The following PLEKHA7 variants were observed in gnomAD, a reference collection of about 807,000 sequenced individuals.
PLEKHA7 encodes pleckstrin homology domain-containing family A member 7.
PLEKHA7 carries 104 observed loss-of-function variants against 170.0 expected under a neutral mutation model. The ratio of observed to expected loss-of-function variants is 0.61; its 90% confidence interval spans 0.52 to 0.72. The LOEUF is 0.72. PLEKHA7 is among the 30% of genes least tolerant of loss of function. The pLI, the probability that PLEKHA7 is intolerant of heterozygous loss-of-function variation, is 0.00. For missense variants in PLEKHA7, 1,615 were observed against 1,671.7 expected (o/e 0.97, Z 0.59); for synonymous variants, 648 against 660.8 (o/e 0.98, Z 0.30).
chr11:16,816,806 A>G lies in PLEKHA7; in HGVS notation c.1860T>C (p.Ala620=). 1 of 1,613,604 alleles carries G rather than the reference A, an allele frequency of 6.2e-7. No homozygotes were observed. ...GDSPRRARGH[A]VKNSSHVDRR... is the part of the protein sequence containing the mutation. ...AGAGCTTCCCGAGCCTCACCTTGAC[A>G]GCGTGGCCCCGTGCCCTCCTTGGAG... Residue 620 remains alanine, a synonymous_variant, in exon 11 of 27, where the codon GCT becomes GCC. Coordinates refer to ENST00000531066, the MANE Select transcript of PLEKHA7 (RefSeq NM_001329630.2).
At chr11:16,846,503 T>C (rs542426564) in intron 8 of PLEKHA7, among the ~76,000 whole-genome samples, 1 of 152,282 alleles carries the variant, frequency 6.6e-6, no homozygotes, top group South Asian at 2.1e-4. Context: ...CATGCTTGTT[T>C]CCTCATATTT....
rs117085879 is a variant in PLEKHA7 at position 16,847,025 on chromosome 11, G to A, written c.696+4166C>T. Among the ~76,000 whole-genome samples, 127 of 149,256 alleles carry A rather than the reference G, an allele frequency of 8.5e-4. 2 individuals carry two copies. The East Asian group carries it at 0.024, about 29-fold the overall frequency. On this transcript the variant is annotated intron_variant, in intron 8 of 26. Transcript: ENST00000531066. Reference sequence around the variant, plus strand: ...CCCAGACAAGGTGACTCTGAGCAGAGAACTGAAGGACAAGTAAGAGTTGGG... The same window carrying A: ...CCCAGACAAGGTGACTCTGAGCAGAAAACTGAAGGACAAGTAAGAGTTGGG...
intron 3 of PLEKHA7, among the ~76,000 whole-genome samples, chr11:16,997,184 TA>T (rs755446751): frequency 2.0e-4 from 30 of 152,130 alleles, no homozygotes; most frequent in Non-Finnish European, 3.5e-4. Flanking sequence ...CCTCTAACAA[TA>T]CCCCTGAGGT....
intron 5 of PLEKHA7, 164 bp downstream of exon 5, chr11:16,855,639 C>T: frequency 1.6e-6 from 1 of 621,526 alleles, no homozygotes; most frequent in South Asian, 1.9e-5. Context: ...GGACAAGGGA[C>T]ATATCCCTCT....
chr11:16,847,876 C>T (rs894785610), intron 8 of PLEKHA7, among the ~76,000 whole-genome samples: 1 of 149,950 alleles, frequency 6.7e-6, no homozygotes, highest in East Asian at 1.9e-4. Flanking sequence ...TGGCTTTATC[C>T]TGAAAGCAAT....
intron 26 of PLEKHA7, among the ~76,000 whole-genome samples, chr11:16,781,640 C>G (rs1008781735): frequency 4.6e-5 from 7 of 152,210 alleles, no homozygotes; most frequent in Non-Finnish European, 1.0e-4. Flanking sequence ...ATTTCAAGGA[C>G]TCTGTGCAGG....
chr11:16,872,997 A>G (rs1854987995), intron 3 of PLEKHA7, among the ~76,000 whole-genome samples: 1 of 152,136 alleles, frequency 6.6e-6, no homozygotes, highest in Non-Finnish European at 1.5e-5. Context: ...TATAATCTAT[A>G]TCTCTTTCAA....
chr11:17,014,380 G>C lies in PLEKHA7; in HGVS notation c.22C>G (p.Arg8Gly). Residue 8 changes from arginine (R) to glycine (G), a missense_variant, in exon 1 of 27, where the codon CGG becomes GGG. Transcript: ENST00000531066. MAAATVG[R>G]DTLPEHWSYG... ...GACCAATGCTCAGGTAAAGTGTCCCGCCCGACCGTCGCCGCCGCCATGTTC... is the reference window on the plus strand; with the variant it reads ...GACCAATGCTCAGGTAAAGTGTCCCCCCCGACCGTCGCCGCCGCCATGTTC... 7.3e-7 allele frequency: 1 copy of C among 1,368,808 alleles called. No individual in the cohort carries two copies. The allele number at this position is 1,368,808 out of a possible 1,614,324, so 84.8% of individuals were successfully genotyped here. A position where few individuals can be genotyped will look rare whatever the true frequency, so the allele number is the denominator to read the frequency against.
chr11:16,864,142 G>A (rs976571022), intron 4 of PLEKHA7, among the ~76,000 whole-genome samples: 6 of 152,128 alleles, frequency 3.9e-5, no homozygotes, highest in African/African-American at 1.2e-4. Flanking sequence ...TTAGAAGCAT[G>A]GCATCTAGGA....
chr11:16,815,370 G>A (rs1849672677), intron 12 of PLEKHA7: 4 of 152,648 alleles, frequency 2.6e-5, no homozygotes, highest in African/African-American at 9.6e-5. Flanking sequence ...CTTCACCCCG[G>A]TGTCAGTGCC....
At chr11:16,994,114 C>G (rs941861586) in intron 3 of PLEKHA7, among the ~76,000 whole-genome samples, 18 of 152,214 alleles carry the variant, frequency 1.2e-4, no homozygotes, top group African/African-American at 4.1e-4. Context: ...CTACACCTGC[C>G]CCTAGAAGCA....
At chr11:16,907,614 G>A (rs1454139574) in intron 3 of PLEKHA7, among the ~76,000 whole-genome samples, 4 of 123,606 alleles carry the variant, frequency 3.2e-5, no homozygotes, top group Admixed American at 7.6e-5. Context: ...GGTGAGGGGC[G>A]CCTCTGCCTG....
chr11:16,979,947 G>T (rs1863322877), intron 3 of PLEKHA7, among the ~76,000 whole-genome samples: 1 of 152,126 alleles, frequency 6.6e-6, no homozygotes, highest in Admixed American at 6.6e-5. Flanking sequence ...ACAAGGAGTG[G>T]CCACACTGGC....
intron 3 of PLEKHA7, among the ~76,000 whole-genome samples, chr11:16,997,712 G>T (rs1175741586): frequency 1.3e-5 from 2 of 152,150 alleles, no homozygotes; most frequent in Admixed American, 6.5e-5. Context: ...GCATGTGCTG[G>T]GGGGAGAGGT....
chr11:16,958,633 A>C (rs1861854826), intron 3 of PLEKHA7, among the ~76,000 whole-genome samples: 1 of 152,222 alleles, frequency 6.6e-6, no homozygotes, highest in Non-Finnish European at 1.5e-5. Flanking sequence ...TTCTGCAATA[A>C]GAAAAAGAAC....
chr11:16,904,977 A>C (rs1174852077), intron 3 of PLEKHA7, among the ~76,000 whole-genome samples: 1 of 152,206 alleles, frequency 6.6e-6, no homozygotes, highest in East Asian at 1.9e-4. Flanking sequence ...ACAGGGCTGG[A>C]CACAGTGACT....
intron 3 of PLEKHA7, among the ~76,000 whole-genome samples, chr11:16,885,622 C>T (rs533505359): frequency 5.3e-5 from 7 of 133,312 alleles, no homozygotes; most frequent in African/African-American, 1.8e-4. Flanking sequence ...CAGAATTTTC[C>T]CTGTCACAAA....
Position 16,791,107 on chromosome 11 carries a change from G to A in PLEKHA7, c.2838C>T (p.Thr946=). ...CCCGCACAGATGTGTGCCGGATGAT[G>A]GTGGCCTCTCTTGGCAGAGGCGGCA... ...PAVPPLPREA[T]IIRHTSVRGL... The change falls in exon 20 of 27, where the codon ACC becomes ACT. Residue 946 remains threonine, a synonymous_variant. Coordinates refer to ENST00000531066, the MANE Select transcript of PLEKHA7 (RefSeq NM_001329630.2). The surrounding 1 kb of genome is among the most constrained non-coding windows in gnomAD (Gnocchi z 4.5). The A allele has an allele frequency of 1.2e-6, 2 of 1,614,158 alleles. No homozygotes were observed. The highest frequency in any genetic ancestry group is 1.7e-6 in the Non-Finnish European group (2 of 1,180,028).
chr11:16,984,870 C>T (rs1331011401), intron 3 of PLEKHA7, among the ~76,000 whole-genome samples: 1 of 152,200 alleles, frequency 6.6e-6, no homozygotes, highest in Non-Finnish European at 1.5e-5. Context: ...GATGTTCTTA[C>T]TAGCTACTGA....
Sources: allele counts gnomAD v4.1 joint callset (sites outside exome capture counted in the v4.1 genomes callset), GRCh38; gene constraint gnomAD v4.1.1; non-coding constraint Gnocchi (gnomAD v3.1); transcripts MANE v1.5; gene names NCBI Gene and HGNC (gene_info 2026-07-23, HGNC 2026-07-21).